The following PNMA6E variants were observed in gnomAD, a reference collection of about 807,000 sequenced individuals.
PNMA6E encodes the protein PNMA family member 6E, also known as paraneoplastic antigen Ma6E.
For synonymous variants in PNMA6E, 43 were observed against 17.1 expected (o/e 2.52, Z -3.74); for missense variants, 78 against 50.8 (o/e 1.53, Z -1.63).
the PNMA6E span, among the ~76,000 whole-genome samples, chrX:153,412,548 TTAGAATAACTTATTC>T: frequency 8.9e-6 from 1 of 112,277 alleles, no homozygotes; most frequent in Non-Finnish European, 1.9e-5. Context: ...GTTTAGGTGG[TTAGAATAACTTATTC>T]TAGAATAAGT....
intron 1 of PNMA6E, among the ~76,000 whole-genome samples, chrX:153,400,011 AT>A (rs1250004375): frequency 1.8e-5 from 2 of 112,680 alleles, no homozygotes; most frequent in African/African-American, 6.4e-5. Context: ...TGTTATTGTT[AT>A]TAATTTCAAA....
chrX:153,401,730 A>ATGTTT (rs782346233), upstream of PNMA6E, among the ~76,000 whole-genome samples: 165 of 106,011 alleles, frequency 1.6e-3, no homozygotes, highest in African/African-American at 4.6e-3. Context: ...AAAAGATCCT[A>ATGTTT]TGTTTTGTTT....
Position 153,396,758 on chromosome X carries a change from G to A in PNMA6E, c.*148C>T, listed in dbSNP as rs936477971. On this transcript the variant is annotated 3_prime_UTR_variant, in exon 2 of 2. Transcript: ENST00000445091. The stretch of plus-strand genomic sequence containing the variant: ...ACGTGGTCATCCGGGTCACAGGGAA[G>A]GAATGGGGGTGGTGGCCAGAGCCCC... 3.4e-6 allele frequency: 1 copy of A among 294,069 alleles called. No individual in the cohort carries two copies. Among genetic ancestry groups the A allele is most frequent in the Non-Finnish European group, 5.9e-6 (1 of 168,916 alleles). 24.2% of individuals were successfully genotyped at this position (294,069 alleles called of 1,213,427 possible).
At chrX:153,410,586 C>T in the PNMA6E span, among the ~76,000 whole-genome samples, 1 of 112,702 alleles carries the variant, frequency 8.9e-6, no homozygotes, top group Admixed American at 9.3e-5. Context: ...CGCCCTTCCC[C>T]TATGCCCCAG....
chrX:153,396,239 C>A lies in PNMA6E; in HGVS notation c.*667G>T. On this transcript the variant is annotated 3_prime_UTR_variant, in exon 2 of 2. Transcript: ENST00000445091. ...TCCACGAGAACAAGCAGCCCCTGGC[C>A]TAGATCTACGCCAGGAAAGCAGAGG... The A allele has an allele frequency of 8.0e-6, 1 of 124,524 alleles. No homozygotes were observed. The allele number at this position is 124,524 out of a possible 1,213,427, so 10.3% of individuals were successfully genotyped here.
the PNMA6E span, among the ~76,000 whole-genome samples, chrX:153,413,176 G>A: frequency 1.5e-4 from 16 of 110,339 alleles, no homozygotes; most frequent in Non-Finnish European, 2.5e-4. Flanking sequence ...CCTTGCTGTG[G>A]ATGAAAAAGC....
chrX:153,396,584 A>C lies in PNMA6E; in HGVS notation c.*322T>G. 7.2e-6 allele frequency: 1 copy of C among 138,935 alleles called. No homozygotes were observed. Among genetic ancestry groups the C allele is most frequent in the East Asian group, 1.8e-4 (1 of 5,553 alleles). The allele number at this position is 138,935 out of a possible 1,213,427, so 11.4% of individuals were successfully genotyped here. A position where few individuals can be genotyped will look rare whatever the true frequency, so the allele number is the denominator to read the frequency against. On this transcript the variant is annotated 3_prime_UTR_variant, in exon 2 of 2. Transcript: ENST00000445091. Reference sequence around the variant, plus strand: ...CTCACGGCCTGGGTTGGGGGCAGACATCTTCAGGTGCCCCCACCCAGGCCA... The same window carrying C: ...CTCACGGCCTGGGTTGGGGGCAGACCTCTTCAGGTGCCCCCACCCAGGCCA...
chrX:153,400,057 C>T (rs2088838116), intron 1 of PNMA6E, among the ~76,000 whole-genome samples: 1 of 112,564 alleles, frequency 8.9e-6, no homozygotes, highest in Admixed American at 9.4e-5. Context: ...CTTATGAAAA[C>T]GTGCGATCCT....
rs1164405353 is a variant in PNMA6E at position 153,395,955 on chromosome X, G to T, written c.*951C>A. 8.8e-6 allele frequency: 1 copy of T among 114,159 alleles called. No individual in the cohort carries two copies. 9.4% of individuals were successfully genotyped at this position (114,159 alleles called of 1,213,427 possible). ...TCACAGGACAGTCACAGAACACTGG[G>T]AAACACCAGGGAACACCCCACCAGG... On this transcript the variant is annotated 3_prime_UTR_variant, in exon 2 of 2. Coordinates refer to ENST00000445091, the MANE Select transcript of PNMA6E (RefSeq NM_001367770.1).
upstream of PNMA6E, among the ~76,000 whole-genome samples, chrX:153,405,998 G>C (rs782741111): frequency 6.5e-4 from 73 of 112,453 alleles, no homozygotes; most frequent in Non-Finnish European, 1.3e-3. Flanking sequence ...GGCACCAAAA[G>C]TCACCCAGGG....
the PNMA6E span, among the ~76,000 whole-genome samples, chrX:153,409,854 A>G: frequency 2.2e-4 from 25 of 112,300 alleles, no homozygotes; most frequent in African/African-American, 4.2e-4. Flanking sequence ...CAAGGACAAC[A>G]GGAGCTGCCT....
In PNMA6E at chrX:153,398,477, C is replaced by T; in HGVS notation, c.373G>A (p.Gly125Arg). The change falls in exon 2 of 2, where the codon GGA becomes AGA. Residue 125 changes from glycine (G) to arginine (R), a missense_variant. Physicochemically the swap from Gly to Arg is moderately radical, Grantham distance 125 (BLOSUM62 -2). Transcript: ENST00000445091. Reference sequence around the variant, plus strand: ...ACACCTCCTGCCTCACCTGCGCCTCCTCCCTCACCTGCAGCTTTTGCTACT... The same window carrying T: ...ACACCTCCTGCCTCACCTGCGCCTCTTCCCTCACCTGCAGCTTTTGCTACT... Reference protein sequence around the residue: ...QAVAKAAGEGGGAGEAGGVGE... With the variant: ...QAVAKAAGEGRGAGEAGGVGE... The T allele has an allele frequency of 9.7e-6, 4 of 413,126 alleles. No individual in the cohort carries two copies. The South Asian group carries it at 1.3e-4, about 13-fold the overall frequency. 34.0% of individuals were successfully genotyped at this position (413,126 alleles called of 1,213,427 possible). A position where few individuals can be genotyped will look rare whatever the true frequency, so the allele number is the denominator to read the frequency against.
chrX:153,412,923 C>T, the PNMA6E span, among the ~76,000 whole-genome samples: 1 of 112,194 alleles, frequency 8.9e-6, no homozygotes, highest in Non-Finnish European at 1.9e-5. Flanking sequence ...AGGGCAAGGC[C>T]TGCCCAGCTG....
upstream of PNMA6E, among the ~76,000 whole-genome samples, chrX:153,402,872 T>C (rs1322424724): frequency 1.8e-5 from 2 of 112,713 alleles, no homozygotes; most frequent in African/African-American, 6.4e-5. Context: ...TTCCATTCTC[T>C]CTTGGTTTCC....
the PNMA6E span, among the ~76,000 whole-genome samples, chrX:153,411,718 C>T: frequency 8.8e-6 from 1 of 113,041 alleles, no homozygotes; most frequent in African/African-American, 3.2e-5. Context: ...GAGGGCCGAG[C>T]TGGGCCGCAG....
the PNMA6E span, among the ~76,000 whole-genome samples, chrX:153,407,991 T>G: frequency 1.8e-5 from 2 of 111,370 alleles, no homozygotes; most frequent in African/African-American, 6.5e-5. Flanking sequence ...AGACTTGAGG[T>G]TGGAAAGAGG....
chrX:153,409,420 G>A, the PNMA6E span, among the ~76,000 whole-genome samples: 1 of 113,273 alleles, frequency 8.8e-6, no homozygotes, highest in Non-Finnish European at 1.9e-5. Context: ...TGGAGAGGAG[G>A]AGAGAGGGCC....
the PNMA6E span, among the ~76,000 whole-genome samples, chrX:153,410,199 C>G: frequency 2.7e-5 from 3 of 111,621 alleles, no homozygotes; most frequent in African/African-American, 6.5e-5. Flanking sequence ...CCTGTCTCTT[C>G]TAAGGAAACT....
the PNMA6E span, among the ~76,000 whole-genome samples, chrX:153,410,580 C>T: frequency 8.9e-6 from 1 of 112,654 alleles, no homozygotes; most frequent in African/African-American, 3.2e-5. Flanking sequence ...CGTCCTCGCC[C>T]TTCCCCTATG....
Sources: gnomAD v4.1 joint callset for allele counts (sites outside exome capture counted in the v4.1 genomes callset) on GRCh38, gnomAD v4.1.1 for gene constraint, MANE v1.5 for transcripts, NCBI Gene and HGNC (gene_info 2026-07-23, HGNC 2026-07-21) for gene names.